PHACTR1: variants seen among roughly 807,000 people sequenced by gnomAD.
The protein encoded by PHACTR1 is RPEL repeat containing 1.
Under a neutral mutation model 69.2 loss-of-function variants are expected in PHACTR1, and 16 were observed. The observed-to-expected ratio is 0.23, with a 90% CI of 0.16 to 0.35. The LOEUF is 0.35. PHACTR1 is among the 10% of genes least tolerant of loss of function. PHACTR1 has a pLI of 1.00. For missense variants in PHACTR1, 510 were observed against 734.7 expected (o/e 0.69, Z 3.54); for synonymous variants, 312 against 284.5 (o/e 1.10, Z -0.97).
chr6:12,918,321 T>G (rs981608359), intron 4 of PHACTR1, among the ~76,000 whole-genome samples: 3 of 152,168 alleles, frequency 2.0e-5, no homozygotes, highest in African/African-American at 7.2e-5. Context: ...AAATTTCCAT[T>G]ACTCTTTTTG....
At chr6:13,258,607 G>A (rs573550969) in intron 10 of PHACTR1, among the ~76,000 whole-genome samples, 271 of 152,320 alleles carry the variant, frequency 1.8e-3, no homozygotes, top group Non-Finnish European at 3.0e-3. Context: ...TCTCGTGAAG[G>A]GTGATGATTG....
At chr6:13,109,712 T>C (rs113513065) in intron 5 of PHACTR1, among the ~76,000 whole-genome samples, 2,051 of 152,200 alleles carry the variant, frequency 0.013, 40 homozygotes, top group African/African-American at 0.045. Context: ...TTAACCATTA[T>C]TTTTACAAAA....
chr6:12,830,816 G>A (rs1777484945), intron 4 of PHACTR1, among the ~76,000 whole-genome samples: 3 of 151,596 alleles, frequency 2.0e-5, no homozygotes, highest in Admixed American at 1.3e-4. Context: ...GGCTGGTCTC[G>A]AACTCCCAAC....
intron 7 of PHACTR1, among the ~76,000 whole-genome samples, chr6:13,189,803 G>A (rs890217780): frequency 3.9e-5 from 6 of 152,084 alleles, no homozygotes; most frequent in African/African-American, 1.4e-4. Flanking sequence ...TTTAAAAGTT[G>A]TGTTATTCTG....
chr6:12,999,633 A>G (rs1309684674), intron 4 of PHACTR1, among the ~76,000 whole-genome samples: 1 of 152,176 alleles, frequency 6.6e-6, no homozygotes, highest in Non-Finnish European at 1.5e-5. Flanking sequence ...TGTTGCATTA[A>G]ATATAGAATG....
At chr6:12,811,667 C>A (rs1050762234) in intron 4 of PHACTR1, among the ~76,000 whole-genome samples, 1 of 152,238 alleles carries the variant, frequency 6.6e-6, no homozygotes, top group Non-Finnish European at 1.5e-5. Context: ...ATACATCCCA[C>A]ACTGTGTTGT....
chr6:13,138,788 C>T (rs1821948994), intron 5 of PHACTR1, among the ~76,000 whole-genome samples: 1 of 152,114 alleles, frequency 6.6e-6, no homozygotes, highest in East Asian at 1.9e-4. Flanking sequence ...TTGGAGCCTT[C>T]GATTGTATGT....
At position 13,180,214 on chromosome 6, in the gene PHACTR1, G is replaced by A. The variant is rs1762007941; in HGVS notation, c.497-2305G>A. 2.0e-5 allele frequency among the ~76,000 whole-genome samples: 3 copies of A among 152,164 alleles called. No homozygotes were observed. The South Asian group carries it at 6.2e-4, about 31-fold the overall frequency. ...AACTGTTTCTGTTAGGTAGGGTGGT[G>A]ATATGATTAGTGTCTTACACCTTCT... is the stretch of plus-strand genomic sequence containing the variant. On this transcript the variant is annotated intron_variant, in intron 6 of 14. Transcript: ENST00000332995.
At chr6:13,269,106 A>G (rs1055789246) in intron 10 of PHACTR1, among the ~76,000 whole-genome samples, 5 of 146,052 alleles carry the variant, frequency 3.4e-5, no homozygotes, top group Admixed American at 2.2e-4. Flanking sequence ...GACACTTCGC[A>G]TAAGACTCCA....
At chr6:13,205,083 G>T (rs1466470274) in intron 7 of PHACTR1, among the ~76,000 whole-genome samples, 1 of 152,198 alleles carries the variant, frequency 6.6e-6, no homozygotes, top group Non-Finnish European at 1.5e-5. Context: ...TGCAGACTGG[G>T]AAGTATGAGA....
Position 13,262,524 on chromosome 6 carries a change from G to A in PHACTR1, c.1392-10336G>A, listed in dbSNP as rs115825520. 9.6e-3 allele frequency among the ~76,000 whole-genome samples: 1,465 copies of A among 152,296 alleles called. 22 individuals are homozygous for A. Among genetic ancestry groups the A allele is most frequent in the African/African-American group, 0.032 (1,343 of 41,568 alleles). On this transcript the variant is annotated intron_variant, in intron 10 of 14. Coordinates refer to ENST00000332995, the MANE Select transcript of PHACTR1 (RefSeq NM_030948.6). ...TGGCATCTGAACTGGTGGGATCTGG[G>A]TTAAATAGTTACTAAATGAGCATCT...
intron 6 of PHACTR1, among the ~76,000 whole-genome samples, chr6:13,176,800 C>A (rs1761378104): frequency 6.6e-6 from 1 of 151,746 alleles, no homozygotes; most frequent in African/African-American, 2.4e-5. Flanking sequence ...TAAAGCAATT[C>A]TTCATAGTCA....
At chr6:12,838,767 G>T (rs757087958) in intron 4 of PHACTR1, among the ~76,000 whole-genome samples, 6 of 152,138 alleles carry the variant, frequency 3.9e-5, no homozygotes, top group Non-Finnish European at 7.3e-5. Flanking sequence ...GTTCCCCTAA[G>T]TATGGTTAAA....
chr6:13,035,557 A>C (rs546206021), intron 4 of PHACTR1, among the ~76,000 whole-genome samples: 1 of 152,302 alleles, frequency 6.6e-6, no homozygotes, highest in Non-Finnish European at 1.5e-5. Flanking sequence ...GTCAAGGCAA[A>C]ATTTATTATA....
chr6:13,069,420 G>C (rs1403035806), intron 5 of PHACTR1, among the ~76,000 whole-genome samples: 1 of 151,892 alleles, frequency 6.6e-6, no homozygotes, highest in Non-Finnish European at 1.5e-5. Context: ...ATGCCACCAG[G>C]TCTAGTGCCT....
chr6:12,887,394 C>T (rs1783745068), intron 4 of PHACTR1, among the ~76,000 whole-genome samples: 1 of 152,218 alleles, frequency 6.6e-6, no homozygotes, highest in African/African-American at 2.4e-5. Flanking sequence ...ATGCAGCTCA[C>T]ATGCCCCTGT....
intron 4 of PHACTR1, among the ~76,000 whole-genome samples, chr6:12,966,992 C>G (rs1793587449): frequency 6.6e-6 from 1 of 152,126 alleles, no homozygotes; most frequent in African/African-American, 2.4e-5. Context: ...TATCTCTGAA[C>G]CTTTTTAAAG....
At chr6:13,123,820 A>G (rs1442224203) in intron 5 of PHACTR1, among the ~76,000 whole-genome samples, 2 of 152,188 alleles carry the variant, frequency 1.3e-5, no homozygotes. Context: ...GGCCCGGGCC[A>G]GGTAGGAGTT....
chr6:13,130,822 T>G (rs1252600520), intron 5 of PHACTR1, among the ~76,000 whole-genome samples: 1 of 152,012 alleles, frequency 6.6e-6, no homozygotes, highest in Admixed American at 6.6e-5. Context: ...CCAGTATCAC[T>G]CTAATTCCAA....
Sources: gnomAD v4.1 joint callset for allele counts (sites outside exome capture counted in the v4.1 genomes callset) on GRCh38, gnomAD v4.1.1 for gene constraint, MANE v1.5 for transcripts, NCBI Gene and HGNC (gene_info 2026-07-23, HGNC 2026-07-21) for gene names.